PIK3C3: variants seen among roughly 807,000 people sequenced by gnomAD.
PIK3C3 encodes the protein PI3-kinase type 3.
Under a neutral mutation model 126.1 loss-of-function variants are expected in PIK3C3, and 95 were observed. The ratio of observed to expected loss-of-function variants is 0.75; its 90% confidence interval spans 0.64 to 0.89. The LOEUF is 0.89. Among genes scored for constraint, PIK3C3 ranks in the 40% least tolerant of loss-of-function variants. The pLI, the probability that PIK3C3 is intolerant of heterozygous loss-of-function variation, is 0.00. For synonymous variants in PIK3C3, 374 were observed against 360.0 expected (o/e 1.04, Z -0.44); for missense variants, 829 against 1,063.2 (o/e 0.78, Z 3.06).
At chr18:42,057,161 A>T (rs555477385) in intron 21 of PIK3C3, among the ~76,000 whole-genome samples, 1 of 151,508 alleles carries the variant, frequency 6.6e-6, no homozygotes, top group African/African-American at 2.4e-5. Flanking sequence ...CAGATTTATA[A>T]ATCAATGTGT....
chr18:42,041,666 G>A (rs915694470), intron 19 of PIK3C3, among the ~76,000 whole-genome samples: 8 of 151,660 alleles, frequency 5.3e-5, no homozygotes, highest in African/African-American at 1.5e-4. Context: ...GAAGGGCTTG[G>A]TAGATGATGT....
intron 11 of PIK3C3, among the ~76,000 whole-genome samples, chr18:42,015,037 CT>C (rs1983007100): frequency 6.6e-6 from 1 of 152,050 alleles, no homozygotes; most frequent in South Asian, 2.1e-4. Context: ...GTAACCTAGT[CT>C]TTTCCAACTT....
intron 3 of PIK3C3, among the ~76,000 whole-genome samples, chr18:41,965,491 T>G (rs1259895041): frequency 6.6e-6 from 1 of 152,186 alleles, no homozygotes; most frequent in Non-Finnish European, 1.5e-5. Context: ...TCAGTAATAA[T>G]CAACCTGTGT....
At chr18:42,034,883 T>A (rs190829237) in intron 16 of PIK3C3, among the ~76,000 whole-genome samples, 59 of 152,296 alleles carry the variant, frequency 3.9e-4, no homozygotes, top group Non-Finnish European at 7.2e-4. Flanking sequence ...TCATATTTTT[T>A]AAAAAAGTGT....
At chr18:42,072,309 C>A (rs1210970059) in intron 24 of PIK3C3, among the ~76,000 whole-genome samples, 1 of 151,942 alleles carries the variant, frequency 6.6e-6, no homozygotes, top group Non-Finnish European at 1.5e-5. Flanking sequence ...ATAAAAGAAA[C>A]AACATTCAAA....
intron 20 of PIK3C3, among the ~76,000 whole-genome samples, chr18:42,048,763 G>GT: frequency 6.6e-6 from 1 of 152,156 alleles, no homozygotes; most frequent in East Asian, 1.9e-4. Flanking sequence ...GTCCCATCTT[G>GT]TTTTTACACA....
rs1986275307 is a variant in PIK3C3 at position 42,082,227 on chromosome 18, G to A, written c.*1090G>A. 6.6e-6 allele frequency: 1 copy of A among 152,108 alleles called. No individual in the cohort carries two copies. The highest frequency in any genetic ancestry group is 1.9e-4 in the East Asian group (1 of 5,198). 9.4% of individuals were successfully genotyped at this position (152,108 alleles called of 1,614,324 possible). A position where few individuals can be genotyped will look rare whatever the true frequency, so the allele number is the denominator to read the frequency against. ...TCTTGGAAGAAAAAGAATTGTTTTG[G>A]TGCTGAATAAATATTAGAAATCAAG... On this transcript the variant is annotated 3_prime_UTR_variant, in exon 25 of 25. Coordinates refer to ENST00000262039, the MANE Select transcript of PIK3C3 (RefSeq NM_002647.4).
chr18:42,010,960 C>A (rs1982794706), intron 10 of PIK3C3, among the ~76,000 whole-genome samples: 1 of 152,238 alleles, frequency 6.6e-6, no homozygotes, highest in Non-Finnish European at 1.5e-5. Flanking sequence ...CATTCAACTT[C>A]TGCATCTCCA....
At chr18:42,037,525 C>T (rs760784484) in intron 16 of PIK3C3, among the ~76,000 whole-genome samples, 167 bp from the exon 17 acceptor site, 3 of 152,200 alleles carry the variant, frequency 2.0e-5, no homozygotes, top group Non-Finnish European at 4.4e-5. Context: ...AGCTAGTTCA[C>T]TGTTCTTTCC....
At chr18:42,020,276 C>A (rs1476490351) in intron 12 of PIK3C3, among the ~76,000 whole-genome samples, 1 of 152,078 alleles carries the variant, frequency 6.6e-6, no homozygotes, top group East Asian at 1.9e-4. Context: ...CTTGAACAAG[C>A]CAAACTTAGA....
chr18:42,072,800 G>T (rs1191340794), intron 24 of PIK3C3, among the ~76,000 whole-genome samples: 2 of 152,182 alleles, frequency 1.3e-5, no homozygotes, highest in Non-Finnish European at 2.9e-5. Flanking sequence ...CCTTTTGAGT[G>T]CTGGGATTAC....
chr18:42,007,317 A>G (rs555997605), intron 10 of PIK3C3, among the ~76,000 whole-genome samples: 287 of 152,258 alleles, frequency 1.9e-3, no homozygotes, highest in Non-Finnish European at 3.5e-3. Flanking sequence ...TACTTTAAAT[A>G]TATGACTAGA....
At chr18:41,987,791 G>C (rs187592042) in intron 4 of PIK3C3, 21 bp from the exon 5 acceptor site, 1 of 1,567,880 alleles carries the variant, frequency 6.4e-7, no homozygotes, top group Non-Finnish European at 8.7e-7. Context: ...TAAAATTTTC[G>C]TCATTGTATT....
At chr18:41,985,485 A>G (rs778820982) in intron 4 of PIK3C3, among the ~76,000 whole-genome samples, 5 of 152,246 alleles carry the variant, frequency 3.3e-5, no homozygotes, top group South Asian at 2.1e-4. Flanking sequence ...TAATTTTGCA[A>G]TCGGTTTTGC....
At position 42,054,164 on chromosome 18, in the gene PIK3C3, A is replaced by ATCTATATATATATATATATATATATATC. The variant is rs1568002782; in HGVS notation, c.2264-3718_2264-3717insCTATATATATATATATATATATATATCT. ...TATATATATATATATATATATATAT[A>ATCTATATATATATATATATATATATATC]TATATATATATATATATATATATAT... On this transcript the variant is annotated intron_variant, in intron 21 of 24. Transcript: ENST00000262039. Among the ~76,000 whole-genome samples the ATCTATATATATATATATATATATATATC allele has an allele frequency of 1.1e-4, 5 of 47,042 alleles. 1 individual carries two copies. The highest frequency in any genetic ancestry group is 9.2e-4 in the Admixed American group (5 of 5,442). The allele number at this position is 47,042 out of a possible 152,430, so 30.9% of individuals were successfully genotyped here. A position where few individuals can be genotyped will look rare whatever the true frequency, so the allele number is the denominator to read the frequency against.
intron 23 of PIK3C3, among the ~76,000 whole-genome samples, chr18:42,066,722 A>G (rs1598950743): frequency 6.6e-6 from 1 of 152,218 alleles, no homozygotes; most frequent in Non-Finnish European, 1.5e-5. Flanking sequence ...ATACGCACAT[A>G]AATATACATA....
intron 2 of PIK3C3, among the ~76,000 whole-genome samples, chr18:41,960,486 C>T (rs1256755520): frequency 3.3e-5 from 5 of 152,098 alleles, no homozygotes; most frequent in Non-Finnish European, 5.9e-5. Context: ...CAATGGTATG[C>T]GGTGATGGCG....
Position 42,037,731 on chromosome 18 carries a change from G to A in PIK3C3, c.1879G>A (p.Asp627Asn), listed in dbSNP as rs1457805369. 6.2e-7 allele frequency: 1 copy of A among 1,612,096 alleles called. No homozygotes were observed. Among genetic ancestry groups the A allele is most frequent in the Non-Finnish European group, 8.5e-7 (1 of 1,178,574 alleles). The stretch of plus-strand genomic sequence containing the variant: ...TGCACAGTTGTTTTTTAAGACGGAA[G>A]ATGGAGGCAAATATCCAGTTATATT... ...MPAQLFFKTE[D>N]GGKYPVIFKH... Residue 627 changes from aspartate to asparagine, a missense_variant, in exon 17 of 25, where the codon GAT becomes AAT. Asp to Asn is a conservative substitution (Grantham distance 23, BLOSUM62 1). Around this residue, in one of 4 missense-constraint regions of PIK3C3, gnomAD observed 256 missense variants for 291.0 expected, o/e 0.88. Transcript: ENST00000262039.
At chr18:42,067,556 G>A in intron 24 of PIK3C3, 43 bp downstream of exon 24, 2 of 1,609,272 alleles carry the variant, frequency 1.2e-6, no homozygotes, top group Non-Finnish European at 1.7e-6. Context: ...CCTTCTCCGT[G>A]TACTGCCCCA....
Sources: gnomAD v4.1 joint callset for allele counts (sites outside exome capture counted in the v4.1 genomes callset) on GRCh38, gnomAD v4.1.1 for gene constraint, gnomAD v4.1.1 regional missense constraint, MANE v1.5 for transcripts, NCBI Gene and HGNC (gene_info 2026-07-23, HGNC 2026-07-21) for gene names.